Variants in FOXJ3 observed in about 807,000 individuals in gnomAD.
The protein encoded by FOXJ3 is forkhead box protein J3.
In FOXJ3, 22 loss-of-function variants were observed where a neutral mutation model predicts 76.1. That is an observed-to-expected ratio of 0.29 (90% CI 0.21 to 0.41). FOXJ3 has a LOEUF of 0.41. Ranked by LOEUF, FOXJ3 falls within the 10% of genes least tolerant of loss-of-function variation. The probability of loss-of-function intolerance (pLI) is 1.00; values close to 1 mark genes in which losing one functional copy is unlikely to be tolerated. For synonymous variants in FOXJ3, 269 were observed against 261.2 expected, an observed-to-expected ratio of 1.03 and a Z score of -0.29; for missense variants, 613 against 762.1, an observed-to-expected ratio of 0.80 and a Z score of 2.30.
chr1:42,191,718 A>C lies in FOXJ3; in HGVS notation c.936T>G (p.Gly312=). ...AAGATTCAGAAGGGATGTTCATCAAACCTAAAAACAAAGCAAGATCATTTA... is the reference window on the plus strand; with the variant it reads ...AAGATTCAGAAGGGATGTTCATCAACCCTAAAAACAAAGCAAGATCATTTA... ...SVFEQSLSQQ[G]LMNIPSESSQ... Residue 312 remains glycine (G), a splice_region_variant and synonymous_variant, in exon 9 of 13, where the codon GGT becomes GGG. Transcript: ENST00000361346. 2.5e-6 allele frequency: 4 copies of C among 1,606,366 alleles called. No individual in the cohort carries two copies. Among genetic ancestry groups the C allele is most frequent in the Non-Finnish European group, 3.4e-6 (4 of 1,173,458 alleles).
chr1:42,232,457 C>T (rs1037522128), intron 4 of FOXJ3, among the ~76,000 whole-genome samples: 2 of 148,914 alleles, frequency 1.3e-5, no homozygotes, highest in African/African-American at 5.0e-5. Flanking sequence ...TCTCCAGCAC[C>T]TGTTGTTTCC....
intron 4 of FOXJ3, among the ~76,000 whole-genome samples, chr1:42,258,744 C>T (rs1168160434): frequency 6.6e-6 from 1 of 152,122 alleles, no homozygotes; most frequent in Admixed American, 6.5e-5. Flanking sequence ...TTAAAAAGTA[C>T]ATCCTATTAA....
intron 5 of FOXJ3, among the ~76,000 whole-genome samples, chr1:42,227,537 A>G (rs1409854094): frequency 6.6e-6 from 1 of 152,228 alleles, no homozygotes; most frequent in East Asian, 1.9e-4. Flanking sequence ...AATGCAACCA[A>G]ACTGATCCTC....
At chr1:42,278,252 T>C (rs767391148) in intron 3 of FOXJ3, 96 bp downstream of exon 3, 29 of 926,698 alleles carry the variant, frequency 3.1e-5, no homozygotes, top group South Asian at 1.2e-4. Context: ...CAAAATTTCA[T>C]ATTCAATTAC....
At chr1:42,192,865 T>C (rs759450694) in intron 8 of FOXJ3, among the ~76,000 whole-genome samples, 10 of 152,066 alleles carry the variant, frequency 6.6e-5, no homozygotes, top group Non-Finnish European at 1.0e-4. Flanking sequence ...TGTATTTGTG[T>C]TCATTGCAAG....
At chr1:42,291,906 T>C (rs1393712288) in intron 2 of FOXJ3, among the ~76,000 whole-genome samples, 1 of 151,896 alleles carries the variant, frequency 6.6e-6, no homozygotes, top group Admixed American at 6.6e-5. Flanking sequence ...CTTCAACAAA[T>C]AAAATATAGC....
At chr1:42,233,857 A>G (rs1399375103) in intron 4 of FOXJ3, among the ~76,000 whole-genome samples, 1 of 149,978 alleles carries the variant, frequency 6.7e-6, no homozygotes, top group Non-Finnish European at 1.5e-5. Flanking sequence ...GAGAGAGGGC[A>G]TCCCTGTCTT....
At chr1:42,259,557 TA>T (rs1650877022) in intron 4 of FOXJ3, among the ~76,000 whole-genome samples, 1 of 152,226 alleles carries the variant, frequency 6.6e-6, no homozygotes, top group Non-Finnish European at 1.5e-5. Context: ...GTCAGGGCTC[TA>T]GGCCAAAACT....
At chr1:42,289,918 A>T (rs1489392438) in intron 2 of FOXJ3, among the ~76,000 whole-genome samples, 3 of 152,082 alleles carry the variant, frequency 2.0e-5, no homozygotes, top group Non-Finnish European at 2.9e-5. Context: ...ATTTTTATTT[A>T]AAAAAGGACA....
chr1:42,314,872 C>A (rs2124764638), intron 1 of FOXJ3, among the ~76,000 whole-genome samples: 1 of 152,318 alleles, frequency 6.6e-6, no homozygotes, highest in Admixed American at 6.5e-5. Flanking sequence ...CATTTGCACA[C>A]AAATGTGCAG....
At chr1:42,263,047 A>G (rs114792388) in intron 4 of FOXJ3, among the ~76,000 whole-genome samples, 326 of 152,286 alleles carry the variant, frequency 2.1e-3, no homozygotes, top group Non-Finnish European at 3.5e-3. Flanking sequence ...GAAAGCTCTC[A>G]TTAGCCTCTC....
chr1:42,234,207 C>T (rs1016018766), intron 4 of FOXJ3, among the ~76,000 whole-genome samples: 3 of 152,136 alleles, frequency 2.0e-5, no homozygotes, highest in Non-Finnish European at 2.9e-5. Flanking sequence ...CTGAGTCTTG[C>T]GCATTTGTCA....
chr1:42,192,257 T>G (rs1174178444), intron 8 of FOXJ3, among the ~76,000 whole-genome samples: 2 of 152,142 alleles, frequency 1.3e-5, no homozygotes, highest in Non-Finnish European at 2.9e-5. Context: ...AAAGAGGAAG[T>G]TGTTTATGCC....
At chr1:42,230,173 A>G (rs961299325) in intron 4 of FOXJ3, among the ~76,000 whole-genome samples, 24 of 152,330 alleles carry the variant, frequency 1.6e-4, no homozygotes, top group South Asian at 8.3e-4. Flanking sequence ...AAGATTCACA[A>G]AACTAATTGT....
At chr1:42,324,038 C>A (rs905177272) in intron 1 of FOXJ3, among the ~76,000 whole-genome samples, 5 of 26,182 alleles carry the variant, frequency 1.9e-4, no homozygotes, top group African/African-American at 7.6e-4. Flanking sequence ...TATATACACA[C>A]TATATATAGT....
chr1:42,189,219 T>C, intron 10 of FOXJ3, 84 bp downstream of exon 10: 1 of 934,232 alleles, frequency 1.1e-6, no homozygotes. Context: ...ATGATGTTTA[T>C]TTCTACTACA....
chr1:42,225,778 A>G (rs778050039), intron 5 of FOXJ3, among the ~76,000 whole-genome samples: 5 of 152,226 alleles, frequency 3.3e-5, no homozygotes, highest in Non-Finnish European at 7.3e-5. Flanking sequence ...TGTACATTCA[A>G]TAACACATGT....
intron 3 of FOXJ3, among the ~76,000 whole-genome samples, chr1:42,273,286 T>G (rs1651998557): frequency 6.6e-6 from 1 of 152,240 alleles, no homozygotes; most frequent in South Asian, 2.1e-4. Flanking sequence ...CCTTAGGCCC[T>G]GTGCTATGCT....
chr1:42,222,107 A>AGAAGAAGAAGAAGAG (rs1557649859), intron 5 of FOXJ3, among the ~76,000 whole-genome samples: 6 of 148,954 alleles, frequency 4.0e-5, no homozygotes, highest in African/African-American at 7.5e-5. Flanking sequence ...AAGAAGAAGA[A>AGAAGAAGAAGAAGAG]GAAATAAAAA....
Sources: gnomAD v4.1 joint callset for allele counts (sites outside exome capture counted in the v4.1 genomes callset) on GRCh38, gnomAD v4.1.1 for gene constraint, MANE v1.5 for transcripts, NCBI Gene and HGNC (gene_info 2026-07-23, HGNC 2026-07-21) for gene names.